BRD1: variants seen among roughly 807,000 people sequenced by gnomAD.
BRD1 encodes bromodomain-containing protein 1.
In BRD1, 24 loss-of-function variants were observed where a neutral mutation model predicts 107.7. The ratio of observed to expected loss-of-function variants is 0.22; its 90% CI spans 0.16 to 0.31. The LOEUF is 0.31. Among genes scored for constraint, BRD1 ranks in the 10% least tolerant of loss-of-function variants. BRD1 has a pLI of 1.00. For synonymous variants in BRD1, 744 were observed against 686.1 expected (o/e 1.08, Z -1.32); for missense variants, 1,279 against 1,638.6 (o/e 0.78, Z 3.79).
rs2060159733 is a variant in BRD1 at position 49,827,532 on chromosome 22, G to T, written c.-50C>A. 6.9e-6 allele frequency: 1 copy of T among 144,904 alleles called. No homozygotes were observed. Among genetic ancestry groups the T allele is most frequent in the South Asian group, 2.1e-4 (1 of 4,748 alleles). The allele number at this position is 144,904 out of a possible 1,614,324, so 9.0% of individuals were successfully genotyped here. The stretch of plus-strand genomic sequence containing the variant: ...CCGCGGCCGCGGGAGCCCGGCAAGC[G>T]GGCGGGCGCGGGGGCCGGCGCGGCC... On this transcript the variant is annotated 5_prime_UTR_variant, in exon 1 of 13. Transcript: ENST00000404760.
intron 11 of BRD1, 91 bp from the exon 12 acceptor site, chr22:49,775,836 C>CCCCCCGCCCCG: frequency 1.6e-6 from 2 of 1,270,246 alleles, no homozygotes; most frequent in Non-Finnish European, 1.0e-6. Context: ...CCTCCCCACC[C>CCCCCCGCCCCG]CAGCTGTGTG....
At chr22:49,826,810 C>T (rs1158964379) in intron 1 of BRD1, among the ~76,000 whole-genome samples, 2 of 152,224 alleles carry the variant, frequency 1.3e-5, no homozygotes, top group Non-Finnish European at 2.9e-5. Context: ...CGGGGCCGCA[C>T]CCCGCGGGGC....
At chr22:49,826,504 A>G (rs1354264101) in intron 1 of BRD1, among the ~76,000 whole-genome samples, 1 of 152,186 alleles carries the variant, frequency 6.6e-6, no homozygotes, top group African/African-American at 2.4e-5. Context: ...TCAAGGAATA[A>G]TTCCCTTAAG....
chr22:49,789,187 T>C (rs892214418), intron 7 of BRD1, among the ~76,000 whole-genome samples: 5 of 152,186 alleles, frequency 3.3e-5, no homozygotes, highest in African/African-American at 1.2e-4. Flanking sequence ...ACAGCTGTCA[T>C]GTGGGAATGC....
chr22:49,797,343 C>A (rs1601665412), intron 6 of BRD1, among the ~76,000 whole-genome samples: 1 of 152,194 alleles, frequency 6.6e-6, no homozygotes, highest in African/African-American at 2.4e-5. Flanking sequence ...TTCACGCCAC[C>A]CTCAGAAGTT....
chr22:49,775,825 GC>G (rs1242153152), intron 11 of BRD1, 80 bp from the exon 12 acceptor site: 2 of 944,670 alleles, frequency 2.1e-6, no homozygotes, highest in Non-Finnish European at 2.7e-6. Flanking sequence ...ACCCCCCCCC[GC>G]CTCCCCACCC....
At chr22:49,800,550 G>A (rs1291380793) in intron 3 of BRD1, among the ~76,000 whole-genome samples, 5 of 152,106 alleles carry the variant, frequency 3.3e-5, no homozygotes, top group Admixed American at 6.6e-5. Context: ...GTTACGAAGC[G>A]GAAGAAATCT....
intron 7 of BRD1, among the ~76,000 whole-genome samples, chr22:49,790,731 C>G (rs368173962): frequency 1.4e-4 from 22 of 152,228 alleles, no homozygotes; most frequent in African/African-American, 5.3e-4. Context: ...CTCCAACAAC[C>G]CTGCCTCAAG....
At position 49,783,107 on chromosome 22, in the gene BRD1, C is replaced by T. The variant is rs928647314; in HGVS notation, c.2857+4283G>A. 6.6e-6 allele frequency among the ~76,000 whole-genome samples: 1 copy of T among 150,408 alleles called. No individual in the cohort carries two copies. The highest frequency in any genetic ancestry group is 6.6e-5 in the Admixed American group (1 of 15,108). ...AGACAGAACCAAGGCCCAGGCCAGA[C>T]GCCTGCACGAGACCTGCTCTTGCTG... On this transcript the variant is annotated intron_variant, in intron 8 of 12. Transcript: ENST00000404760. This position sits in a 1 kb window ranked among gnomAD's most constrained non-coding sequence, Gnocchi z 4.2.
chr22:49,779,650 G>A (rs1288164462), intron 8 of BRD1, among the ~76,000 whole-genome samples: 1 of 152,090 alleles, frequency 6.6e-6, no homozygotes, highest in African/African-American at 2.4e-5. Context: ...CTGCCCTGGG[G>A]CTCCACATGC....
chr22:49,823,689 A>G lies in BRD1; in HGVS notation c.629T>C (p.Leu210Pro), dbSNP rs760500016. The G allele has an allele frequency of 6.2e-7, 1 of 1,613,758 alleles. No individual in the cohort carries two copies. Among genetic ancestry groups the G allele is most frequent in the Non-Finnish European group, 8.5e-7 (1 of 1,179,934 alleles). ...ENQKQGEQQS[L>P]IDEDAVCCIC... ...GCAGCACACGGCGTCCTCGTCGATC[A>G]GAGACTGCTGCTCGCCCTGCTTCTG... Residue 210 changes from leucine to proline, a missense_variant, in exon 2 of 13, where the codon CTG becomes CCG. By Grantham distance (98) the Leu-to-Pro change is moderately conservative. This residue lies in a region of BRD1 where 158 missense variants were observed against 310.2 expected (regional missense o/e 0.51). Coordinates refer to ENST00000404760, the MANE Select transcript of BRD1 (RefSeq NM_001304808.3).
chr22:49,818,715 G>A (rs184612288), intron 2 of BRD1, among the ~76,000 whole-genome samples: 28 of 151,688 alleles, frequency 1.8e-4, no homozygotes, highest in African/African-American at 7.3e-5. Flanking sequence ...GTGAAACCCC[G>A]TCTCTACTAA....
chr22:49,821,702 C>A (rs184119016), intron 2 of BRD1, among the ~76,000 whole-genome samples: 2 of 152,278 alleles, frequency 1.3e-5, no homozygotes, highest in East Asian at 1.9e-4. Context: ...CCTCACCGCC[C>A]GATGCAGCTC....
intron 8 of BRD1, among the ~76,000 whole-genome samples, chr22:49,784,244 T>TCA (rs1357571435): frequency 6.6e-6 from 1 of 150,432 alleles, no homozygotes; most frequent in Non-Finnish European, 1.5e-5. Flanking sequence ...CCCCGCGCTC[T>TCA]CACGCCCCAG....
At chr22:49,804,712 G>A (rs1756266592) in intron 2 of BRD1, among the ~76,000 whole-genome samples, 1 of 152,168 alleles carries the variant, frequency 6.6e-6, no homozygotes, top group Admixed American at 6.5e-5. Context: ...TTAGCTGAAT[G>A]TGGAGGTACA....
intron 10 of BRD1, 129 bp downstream of exon 10, chr22:49,776,905 G>A: frequency 7.5e-7 from 1 of 1,341,016 alleles, no homozygotes. Context: ...TTCCCCGGGA[G>A]GTTGGCCAGG....
chr22:49,813,425 T>C (rs1006198926), intron 2 of BRD1, among the ~76,000 whole-genome samples: 3 of 151,286 alleles, frequency 2.0e-5, no homozygotes, highest in Non-Finnish European at 4.4e-5. Flanking sequence ...GGTTTCACCA[T>C]GTTGGCCAGG....
intron 8 of BRD1, 60 bp downstream of exon 8, chr22:49,787,330 G>A: frequency 7.5e-7 from 1 of 1,336,052 alleles, no homozygotes; most frequent in South Asian, 1.4e-5. Flanking sequence ...CAATGATCCT[G>A]AAGGACGCTC....
intron 2 of BRD1, among the ~76,000 whole-genome samples, chr22:49,813,850 A>G (rs141587274): frequency 6.6e-6 from 1 of 151,964 alleles, no homozygotes. Flanking sequence ...AAAATTTGTA[A>G]AGACTCCTAG....
Sources: allele counts gnomAD v4.1 joint callset (sites outside exome capture counted in the v4.1 genomes callset), GRCh38; gene constraint gnomAD v4.1.1; regional missense constraint gnomAD v4.1.1; non-coding constraint Gnocchi (gnomAD v3.1); transcripts MANE v1.5; gene names NCBI Gene and HGNC (gene_info 2026-07-23, HGNC 2026-07-21).